Variants in ATP2C2 observed in about 807,000 individuals in gnomAD.
The protein encoded by ATP2C2 is ATPase secretory pathway Ca2+ transporting 2, also known as calcium-transporting ATPase type 2C member 2.
ATP2C2 carries 171 observed loss-of-function variants against 110.8 expected under a neutral mutation model. The ratio of observed to expected loss-of-function variants is 1.54; its 90% CI spans 1.36 to 1.75. The LOEUF (loss-of-function observed/expected upper bound fraction) is 1.75. Ranked by LOEUF, ATP2C2 falls within the 40% of genes most tolerant of loss-of-function variation. ATP2C2 has a pLI of 0.00. For missense variants in ATP2C2, 1,963 were observed against 1,235.0 expected, an observed-to-expected ratio of 1.59 and a Z score of -8.84; for synonymous variants, 804 against 508.4, an observed-to-expected ratio of 1.58 and a Z score of -7.82.
At chr16:84,428,338 ATT>A (rs1284314562) in intron 11 of ATP2C2, among the ~76,000 whole-genome samples, 1 of 152,188 alleles carries the variant, frequency 6.6e-6, no homozygotes, top group African/African-American at 2.4e-5. Context: ...CAAATGCCTT[ATT>A]TTTTCAACGA....
chr16:84,394,929 AAAG>A (rs1249504105), intron 1 of ATP2C2, among the ~76,000 whole-genome samples: 1 of 152,134 alleles, frequency 6.6e-6, no homozygotes, highest in African/African-American at 2.4e-5. Flanking sequence ...TTAGGCTTTC[AAAG>A]AATGGTTTTG....
At chr16:84,448,922 CCTTGCT>C (rs1286478131) in intron 17 of ATP2C2, among the ~76,000 whole-genome samples, 1 of 152,174 alleles carries the variant, frequency 6.6e-6, no homozygotes, top group Non-Finnish European at 1.5e-5. Context: ...GGGTACCCTC[CCTTGCT>C]GAGTTTCCTA....
chr16:84,424,647 C>T (rs1907649610), intron 10 of ATP2C2, among the ~76,000 whole-genome samples: 1 of 147,706 alleles, frequency 6.8e-6, no homozygotes, highest in South Asian at 2.1e-4. Flanking sequence ...GACACTCAGT[C>T]CCATGGACCC....
intron 11 of ATP2C2, among the ~76,000 whole-genome samples, chr16:84,432,772 C>G (rs1239856440): frequency 6.6e-6 from 1 of 152,116 alleles, no homozygotes; most frequent in Non-Finnish European, 1.5e-5. Flanking sequence ...CTGCCTGCCT[C>G]TGCCTTCCAA....
chr16:84,388,090 G>A (rs1355557374), intron 1 of ATP2C2, among the ~76,000 whole-genome samples: 1 of 152,142 alleles, frequency 6.6e-6, no homozygotes, highest in Non-Finnish European at 1.5e-5. Context: ...CCAGCACTTT[G>A]GGAGGCCGAG....
At chr16:84,442,445 C>G (rs1597845132) in intron 14 of ATP2C2, 65 bp from the exon 15 acceptor site, 1 of 1,507,758 alleles carries the variant, frequency 6.6e-7, no homozygotes, top group East Asian at 2.3e-5. Context: ...TGGGACAGGC[C>G]CACAATGTCT....
chr16:84,426,523 C>A (rs1304627055), intron 11 of ATP2C2, among the ~76,000 whole-genome samples: 2 of 152,106 alleles, frequency 1.3e-5, no homozygotes, highest in African/African-American at 2.4e-5. Context: ...TGTTTAAATT[C>A]TACGCTTGCC....
At chr16:84,425,830 T>C in intron 11 of ATP2C2, 29 bp downstream of exon 11, 19 of 1,610,876 alleles carry the variant, frequency 1.2e-5, no homozygotes, top group Non-Finnish European at 1.6e-5. Flanking sequence ...CCCCTTGCCT[T>C]GCCAGGGTGG....
chr16:84,431,696 A>G (rs1415695838), intron 11 of ATP2C2, among the ~76,000 whole-genome samples: 1 of 152,002 alleles, frequency 6.6e-6, no homozygotes. Flanking sequence ...GCAGAATGAG[A>G]TGATGGAGTT....
intron 3 of ATP2C2, among the ~76,000 whole-genome samples, chr16:84,405,669 A>G (rs956729157): frequency 3.3e-5 from 5 of 152,100 alleles, no homozygotes; most frequent in African/African-American, 1.2e-4. Flanking sequence ...CCTGTAATCC[A>G]AGCACTTTGG....
intron 7 of ATP2C2, among the ~76,000 whole-genome samples, chr16:84,416,857 G>A (rs57028881): frequency 2.0e-5 from 3 of 152,222 alleles, no homozygotes; most frequent in South Asian, 2.1e-4. Flanking sequence ...GCCAATCCCC[G>A]CCTACAAGGA....
rs191105738 is a variant in ATP2C2, at chr16:84,426,111, A to C, written c.986+310A>C. The C allele has an allele frequency of 3.3e-3, 1,113 of 336,452 alleles. 2 individuals are homozygous for C. The highest frequency in any genetic ancestry group is 4.7e-3 in the Non-Finnish European group (829 of 176,368). The allele number at this position is 336,452 out of a possible 1,614,324, so 20.8% of individuals were successfully genotyped here. A position where few individuals can be genotyped will look rare whatever the true frequency, so the allele number is the denominator to read the frequency against. Reference sequence around the variant, plus strand: ...ATTAAGAAAATAGTTTAATTGGCCTATGGTTCTACAGGCCGTACAGGAAGC... The same window carrying C: ...ATTAAGAAAATAGTTTAATTGGCCTCTGGTTCTACAGGCCGTACAGGAAGC... On this transcript the variant is annotated intron_variant, in intron 11 of 26. Coordinates refer to ENST00000262429, the MANE Select transcript of ATP2C2 (RefSeq NM_014861.4).
At chr16:84,403,340 C>CT (rs1905466138) in intron 2 of ATP2C2, among the ~76,000 whole-genome samples, 1 of 152,198 alleles carries the variant, frequency 6.6e-6, no homozygotes, top group Non-Finnish European at 1.5e-5. Flanking sequence ...TGGTCTCATT[C>CT]TGTTGCCCAG....
chr16:84,446,388 A>G lies in ATP2C2; in HGVS notation c.1461A>G (p.Ser487=), dbSNP rs1403926525. The G allele has an allele frequency of 6.2e-7, 1 of 1,608,164 alleles. No homozygotes were observed. Among genetic ancestry groups the G allele is most frequent in the Non-Finnish European group, 8.5e-7 (1 of 1,177,786 alleles). Residue 487 remains serine, a synonymous_variant, in exon 16 of 27, where the codon TCA becomes TCG. Coordinates refer to ENST00000262429, the MANE Select transcript of ATP2C2 (RefSeq NM_014861.4). ...GAAAAAAAGAGATTCCATTCAGTTCAGAGCAGAAGTGGATGGCGGTGAAAT... is the reference window on the plus strand; with the variant it reads ...GAAAAAAAGAGATTCCATTCAGTTCGGAGCAGAAGTGGATGGCGGTGAAAT... ...YIRKKEIPFS[S]EQKWMAVKCS... is the part of the protein sequence containing the mutation.
At chr16:84,453,958 A>G (rs1283283614) in intron 20 of ATP2C2, among the ~76,000 whole-genome samples, 1 of 152,004 alleles carries the variant, frequency 6.6e-6, no homozygotes, top group Non-Finnish European at 1.5e-5. Flanking sequence ...CTCCTGCCTC[A>G]GTCTCCCCAA....
intron 7 of ATP2C2, among the ~76,000 whole-genome samples, chr16:84,418,796 C>T (rs567171883): frequency 1.1e-4 from 16 of 152,290 alleles, no homozygotes; most frequent in South Asian, 2.1e-4. Flanking sequence ...TCCATGTATC[C>T]GTTGCCCATG....
At position 84,462,216 on chromosome 16, in the gene ATP2C2, G is replaced by C. The variant is rs146021751; in HGVS notation, c.2722+87G>C. 2.1e-4 allele frequency: 315 copies of C among 1,536,376 alleles called. 4 individuals are homozygous for C. In the East Asian group the frequency reaches 7.0e-3, roughly 34 times the overall value. Reference sequence around the variant, plus strand: ...CCAGGTGGGGAGCTGCAGCCCAGGAGGGGTCAGTGCGGGAAAGCAGAGCTC... The same window carrying C: ...CCAGGTGGGGAGCTGCAGCCCAGGACGGGTCAGTGCGGGAAAGCAGAGCTC... On this transcript the variant is annotated intron_variant, in intron 26 of 26. Transcript: ENST00000262429.
chr16:84,436,667 G>A (rs1243376635), intron 11 of ATP2C2, among the ~76,000 whole-genome samples: 1 of 152,122 alleles, frequency 6.6e-6, no homozygotes, highest in East Asian at 1.9e-4. Context: ...CCCCTCCTCA[G>A]CCTGGCCTCG....
intron 4 of ATP2C2, among the ~76,000 whole-genome samples, chr16:84,408,695 TG>T (rs1433353512): frequency 1.3e-5 from 2 of 152,170 alleles, no homozygotes; most frequent in Admixed American, 1.3e-4. Context: ...ACTGCTTGCT[TG>T]CTGGACACAC....
Sources: gnomAD v4.1 joint callset for allele counts (sites outside exome capture counted in the v4.1 genomes callset) on GRCh38, gnomAD v4.1.1 for gene constraint, MANE v1.5 for transcripts, NCBI Gene and HGNC (gene_info 2026-07-23, HGNC 2026-07-21) for gene names.